AASS: variants seen among roughly 807,000 people sequenced by gnomAD.
AASS encodes aminoadipate-semialdehyde synthase.
Under a neutral mutation model 105.4 loss-of-function variants are expected in AASS, and 86 were observed. That is an observed-to-expected ratio of 0.82 (90% confidence interval 0.69 to 0.98). The LOEUF is 0.98. AASS is among the 50% of genes least tolerant of loss of function. The probability of loss-of-function intolerance (pLI) is 0.00; values close to 1 mark genes in which losing one functional copy is unlikely to be tolerated. For missense variants in AASS, 1,048 were observed against 1,143.2 expected (o/e 0.92, Z 1.20); for synonymous variants, 381 against 394.8 (o/e 0.96, Z 0.41).
At chr7:122,086,271 A>G in intron 18 of AASS, 92 bp from the exon 19 acceptor site, 1 of 1,259,394 alleles carries the variant, frequency 7.9e-7, no homozygotes. Flanking sequence ...AGCAACAGAA[A>G]TTTGAAAAAA....
chr7:122,118,573 G>A lies in AASS; in HGVS notation c.530C>T (p.Thr177Ile). The change falls in exon 5 of 24, where the codon ACA (threonine) becomes ATA (isoleucine). Residue 177 changes from threonine to isoleucine, a missense_variant. Physicochemically the swap from Thr to Ile is moderately conservative, Grantham distance 89. Transcript: ENST00000417368. Reference sequence around the variant, plus strand: ...ATAAACATCTCTTACCATAAAAGGTGTGTGATGTCCCAAAGCAAGGAGCCT... The same window carrying A: ...ATAAACATCTCTTACCATAAAAGGTATGTGATGTCCCAAAGCAAGGAGCCT... ...GLRLLALGHH[T>I]PFMHIGMAHN... 6.2e-7 allele frequency: 1 copy of A among 1,614,090 alleles called. No individual in the cohort carries two copies. The highest frequency in any genetic ancestry group is 8.5e-7 in the Non-Finnish European group (1 of 1,179,986).
chr7:122,088,513 T>C lies in AASS; in HGVS notation c.2017-2334A>G, dbSNP rs554288768. 8.8e-4 allele frequency among the ~76,000 whole-genome samples: 134 copies of C among 152,206 alleles called. 1 individual carries two copies. Among genetic ancestry groups the C allele is most frequent in the Middle Eastern group, 3.4e-3 (1 of 294 alleles). ...TCCTTCAACTACACTGTCCCCTTAA[T>C]CATGCTTATTTCTGGATCAGTATTT... is the stretch of plus-strand genomic sequence containing the variant. On this transcript the variant is annotated intron_variant, in intron 18 of 23. Coordinates refer to ENST00000417368, the MANE Select transcript of AASS (RefSeq NM_005763.4).
chr7:122,134,410 A>G (rs1418690366), intron 1 of AASS, among the ~76,000 whole-genome samples: 1 of 152,172 alleles, frequency 6.6e-6, no homozygotes, highest in African/African-American at 2.4e-5. Flanking sequence ...CACTCTGTCA[A>G]TGCTAAAATG....
chr7:122,078,999 C>T (rs368886192), intron 21 of AASS, 49 bp from the exon 22 acceptor site: 78 of 1,613,642 alleles, frequency 4.8e-5, no homozygotes, highest in Non-Finnish European at 6.5e-5. Context: ...TATACATGTT[C>T]TCATTTGGGA....
chr7:122,095,574 T>C (rs1404281681), intron 15 of AASS, among the ~76,000 whole-genome samples: 1 of 109,566 alleles, frequency 9.1e-6, no homozygotes, highest in Non-Finnish European at 1.8e-5. Flanking sequence ...AGATTTTCTC[T>C]ACTTCATAAA....
intron 1 of AASS, among the ~76,000 whole-genome samples, chr7:122,142,817 A>G (rs926708661): frequency 5.3e-5 from 8 of 152,250 alleles, no homozygotes; most frequent in Non-Finnish European, 1.2e-4. Context: ...TGGCTTCTTA[A>G]ACACCAAAGA....
At chr7:122,123,393 G>A (rs1418345215) in intron 4 of AASS, among the ~76,000 whole-genome samples, 1 of 152,104 alleles carries the variant, frequency 6.6e-6, no homozygotes, top group Non-Finnish European at 1.5e-5. Flanking sequence ...ATCTATCAAG[G>A]ATCACAAGTC....
chr7:122,135,215 T>C (rs1796089244), intron 1 of AASS, among the ~76,000 whole-genome samples: 1 of 150,902 alleles, frequency 6.6e-6, no homozygotes, highest in Admixed American at 6.6e-5. Flanking sequence ...ATGGCACATG[T>C]ATACATCTGT....
rs550178875 is a variant in AASS, at chr7:122,082,546, A to G, written c.2185-951T>C. On this transcript the variant is annotated intron_variant, in intron 19 of 23. Transcript: ENST00000417368. ...AATTAATTGTCTATTCAGCTGCTGTACTGAAGGTATTGAAAGCAGGGAAAT... is the reference window on the plus strand; with the variant it reads ...AATTAATTGTCTATTCAGCTGCTGTGCTGAAGGTATTGAAAGCAGGGAAAT... 3.0e-3 allele frequency among the ~76,000 whole-genome samples: 455 copies of G among 152,300 alleles called. 1 individual carries two copies. Among genetic ancestry groups the G allele is most frequent in the Middle Eastern group, 0.01 (3 of 294 alleles).
rs369268206 is a variant in AASS at position 122,118,470 on chromosome 7, A to G, written c.541-17T>C. 2.7e-5 allele frequency: 44 copies of G among 1,614,040 alleles called. No homozygotes were observed. Among genetic ancestry groups the G allele is most frequent in the Non-Finnish European group, 3.5e-5 (41 of 1,180,022 alleles). ...GCCAATGTGCTGAAAACAAACATAC[A>G]CAACTCAAGTTAGTCCACCAGCTCA... On this transcript the variant is annotated splice_polypyrimidine_tract_variant and intron_variant, in intron 5 of 23. Transcript: ENST00000417368.
intron 1 of AASS, among the ~76,000 whole-genome samples, chr7:122,135,441 C>T (rs2150555221): frequency 6.6e-6 from 1 of 152,158 alleles, no homozygotes; most frequent in East Asian, 1.9e-4. Flanking sequence ...GTTTTCTCTC[C>T]ATACATGGCC....
At position 122,101,419 on chromosome 7, in the gene AASS, C is replaced by A; in HGVS notation, c.1358G>T (p.Gly453Val). The A allele has an allele frequency of 6.2e-7, 1 of 1,610,266 alleles. No homozygotes were observed. The highest frequency in any genetic ancestry group is 8.5e-7 in the Non-Finnish European group (1 of 1,177,174). Reference protein sequence around the residue: ...VVRDAVITSNGTLPDKYKYIQ... With the variant: ...VVRDAVITSNVTLPDKYKYIQ... Reference sequence around the variant, plus strand: ...ATATTTATATTTATCAGGTAATGTACCGTTGGATGTAATCACTGCCTAAAT... The same window carrying A: ...ATATTTATATTTATCAGGTAATGTAACGTTGGATGTAATCACTGCCTAAAT... The change falls in exon 13 of 24, where the codon GGT (glycine) becomes GTT (valine). Residue 453 changes from glycine (G) to valine (V), a missense_variant. Physicochemically the swap from Gly to Val is moderately radical, Grantham distance 109. Coordinates refer to ENST00000417368, the MANE Select transcript of AASS (RefSeq NM_005763.4).
chr7:122,127,720 T>C (rs1172422654), intron 3 of AASS, among the ~76,000 whole-genome samples: 2 of 152,148 alleles, frequency 1.3e-5, no homozygotes, highest in African/African-American at 4.8e-5. Flanking sequence ...AACCCTCCAA[T>C]CCTCTGCCCT....
intron 21 of AASS, 75 bp downstream of exon 21, chr7:122,079,522 T>C: frequency 7.8e-7 from 1 of 1,274,156 alleles, no homozygotes; most frequent in Non-Finnish European, 1.1e-6. Context: ...TGTAAAATAT[T>C]TAACTTTTTC....
intron 1 of AASS, among the ~76,000 whole-genome samples, chr7:122,139,342 T>C (rs1373462803): frequency 2.0e-5 from 3 of 152,188 alleles, no homozygotes; most frequent in Non-Finnish European, 4.4e-5. Flanking sequence ...ATGTTCAGGA[T>C]TAGTTTTATC....
At chr7:122,114,735 A>T (rs1795088342) in intron 9 of AASS, among the ~76,000 whole-genome samples, 1 of 152,180 alleles carries the variant, frequency 6.6e-6, no homozygotes, top group African/African-American at 2.4e-5. Flanking sequence ...AAGACAAAAG[A>T]AGAATGTTTC....
chr7:122,103,015 T>C (rs1469596646), intron 11 of AASS, among the ~76,000 whole-genome samples: 1 of 152,060 alleles, frequency 6.6e-6, no homozygotes. Context: ...TATAGATAAC[T>C]TTTTTAAAAA....
intron 13 of AASS, among the ~76,000 whole-genome samples, chr7:122,100,855 C>G (rs957405026): frequency 1.3e-5 from 2 of 151,920 alleles, no homozygotes; most frequent in Non-Finnish European, 1.5e-5. Context: ...GCACCTTCCC[C>G]CTAATAAGAA....
chr7:122,084,037 T>C (rs1431575446), intron 19 of AASS, among the ~76,000 whole-genome samples: 1 of 152,120 alleles, frequency 6.6e-6, no homozygotes, highest in African/African-American at 2.4e-5. Context: ...CCTTCATTCC[T>C]GGATCTATAT....
Sources: allele counts gnomAD v4.1 joint callset (sites outside exome capture counted in the v4.1 genomes callset), GRCh38; gene constraint gnomAD v4.1.1; transcripts MANE v1.5; gene names NCBI Gene and HGNC (gene_info 2026-07-23, HGNC 2026-07-21).